Variants in LRTM1 observed in about 807,000 individuals in gnomAD.
LRTM1 encodes the protein leucine rich repeat transmembrane protein 1.
Under a neutral mutation model 32.4 loss-of-function variants are expected in LRTM1, and 38 were observed. The observed-to-expected ratio is 1.17, with a 90% CI of 0.91 to 1.54. The LOEUF (loss-of-function observed/expected upper bound fraction) is 1.54, where lower values mean the gene tolerates loss of function less well. LRTM1 is among the 40% of genes most tolerant of loss of function. LRTM1 has a pLI of 0.00. For synonymous variants in LRTM1, 186 were observed against 169.9 expected (o/e 1.09, Z -0.74); for missense variants, 466 against 415.4 (o/e 1.12, Z -1.06).
At chr3:54,961,023 T>C (rs1169924412) in intron 1 of LRTM1, among the ~76,000 whole-genome samples, 1 of 152,178 alleles carries the variant, frequency 6.6e-6, no homozygotes, top group Non-Finnish European at 1.5e-5. Context: ...AAAAATGACA[T>C]TCAGATTCGT....
chr3:54,939,260 T>C (rs1701400812), intron 1 of LRTM1, among the ~76,000 whole-genome samples: 1 of 152,210 alleles, frequency 6.6e-6, no homozygotes, highest in Admixed American at 6.5e-5. Context: ...GGAACTATTA[T>C]CTTCTACATC....
At chr3:54,956,527 CA>C (rs1701898092) in intron 1 of LRTM1, among the ~76,000 whole-genome samples, 1 of 152,138 alleles carries the variant, frequency 6.6e-6, no homozygotes, top group Admixed American at 6.5e-5. Flanking sequence ...AACTCGTTAC[CA>C]ACCTAGGATT....
At chr3:54,925,488 A>T (rs1559632349) in intron 1 of LRTM1, among the ~76,000 whole-genome samples, 1 of 152,166 alleles carries the variant, frequency 6.6e-6, no homozygotes, top group Non-Finnish European at 1.5e-5. Context: ...AAGATGGAAG[A>T]CTTAGTGATA....
At position 54,918,926 on chromosome 3, in the gene LRTM1, G is replaced by A; in HGVS notation, c.605-34C>T. On this transcript the variant is annotated intron_variant, in intron 2 of 2. Coordinates refer to ENST00000273286, the MANE Select transcript of LRTM1 (RefSeq NM_020678.4). ...AACAAAAGCAAAGAACAATAACAAA[G>A]CCTTGATACAACAGAGTTCCAAAAT... The A allele has an allele frequency of 3.3e-6, 5 of 1,495,844 alleles. No homozygotes were observed. The South Asian group carries it at 6.9e-5, about 21-fold the overall frequency. The allele number at this position is 1,495,844 out of a possible 1,614,324, so 92.7% of individuals were successfully genotyped here.
At chr3:54,946,456 G>A (rs1701616548) in intron 1 of LRTM1, among the ~76,000 whole-genome samples, 1 of 152,182 alleles carries the variant, frequency 6.6e-6, no homozygotes, top group African/African-American at 2.4e-5. Context: ...GTTGGATGAA[G>A]AGAATATAGA....
intron 1 of LRTM1, among the ~76,000 whole-genome samples, chr3:54,962,865 C>T (rs111286523): frequency 1.9e-3 from 288 of 152,052 alleles, no homozygotes; most frequent in African/African-American, 6.6e-3. Flanking sequence ...GATCTGTGCC[C>T]CTCTAGTATG....
chr3:54,954,455 T>G (rs750940183), intron 1 of LRTM1, among the ~76,000 whole-genome samples: 5 of 152,204 alleles, frequency 3.3e-5, no homozygotes, highest in Admixed American at 6.5e-5. Flanking sequence ...TCTGGTAGTT[T>G]CCAGAGTTAG....
At chr3:54,955,931 A>G (rs72877964) in intron 1 of LRTM1, among the ~76,000 whole-genome samples, 2,667 of 152,300 alleles carry the variant, frequency 0.018, 77 homozygotes, top group African/African-American at 0.061. Flanking sequence ...TGCCTGATGA[A>G]GAGAAAAAAT....
chr3:54,941,426 A>C (rs1397224094), intron 1 of LRTM1, among the ~76,000 whole-genome samples: 1 of 152,216 alleles, frequency 6.6e-6, no homozygotes, highest in Non-Finnish European at 1.5e-5. Flanking sequence ...CGCTATTTTC[A>C]AACTACTTAT....
intron 2 of LRTM1, among the ~76,000 whole-genome samples, chr3:54,924,123 G>A (rs1214424321): frequency 1.3e-5 from 2 of 152,196 alleles, no homozygotes; most frequent in Non-Finnish European, 2.9e-5. Flanking sequence ...GAGAGGCCCT[G>A]TTGCACCCAA....
At chr3:54,935,010 C>A (rs1047794617) in intron 1 of LRTM1, among the ~76,000 whole-genome samples, 1 of 152,216 alleles carries the variant, frequency 6.6e-6, no homozygotes, top group Non-Finnish European at 1.5e-5. Context: ...AGTGCTGGGA[C>A]TGCAGGCATG....
chr3:54,938,305 G>A (rs1277526126), intron 1 of LRTM1, among the ~76,000 whole-genome samples: 6 of 152,202 alleles, frequency 3.9e-5, no homozygotes, highest in Non-Finnish European at 5.9e-5. Context: ...ACCAGAAGTG[G>A]CAAATGAGTG....
At chr3:54,960,547 A>G (rs1702006168) in intron 1 of LRTM1, among the ~76,000 whole-genome samples, 1 of 152,200 alleles carries the variant, frequency 6.6e-6, no homozygotes, top group Non-Finnish European at 1.5e-5. Flanking sequence ...GGCTTTACCA[A>G]GATTATAACA....
chr3:54,965,408 C>A (rs1702126196), intron 1 of LRTM1, among the ~76,000 whole-genome samples: 1 of 152,146 alleles, frequency 6.6e-6, no homozygotes, highest in Non-Finnish European at 1.5e-5. Context: ...TTTGGATTGC[C>A]ATCTTCCCTG....
chr3:54,965,174 G>T (rs1400903662), intron 1 of LRTM1, among the ~76,000 whole-genome samples: 1 of 152,162 alleles, frequency 6.6e-6, no homozygotes, highest in Non-Finnish European at 1.5e-5. Flanking sequence ...AATTAGTGTG[G>T]CTGTGCTGCA....
At chr3:54,951,478 G>C (rs551930221) in intron 1 of LRTM1, among the ~76,000 whole-genome samples, 2 of 152,198 alleles carry the variant, frequency 1.3e-5, no homozygotes, top group Admixed American at 6.5e-5. Flanking sequence ...GCAGTGGGGT[G>C]GGGGGCTGCT....
At chr3:54,959,805 G>T (rs1032006601) in intron 1 of LRTM1, among the ~76,000 whole-genome samples, 1 of 152,146 alleles carries the variant, frequency 6.6e-6, no homozygotes, top group Admixed American at 6.5e-5. Context: ...AGAACTTTGT[G>T]AGCATAAAAT....
intron 1 of LRTM1, 99 bp from the exon 2 acceptor site, chr3:54,925,314 C>G (rs1387840373): frequency 2.1e-6 from 2 of 968,980 alleles, no homozygotes; most frequent in African/African-American, 1.6e-5. Context: ...GCTTTCCAGC[C>G]AGGTGAAACC....
Position 54,965,819 on chromosome 3 carries a change from G to A in LRTM1, c.-222+1109C>T, listed in dbSNP as rs145837700. On this transcript the variant is annotated intron_variant, in intron 1 of 2. Transcript: ENST00000493075. Reference sequence around the variant, plus strand: ...CAATTGCAGCCAGGACTATCCAGGAGCCTTTGGGCAACAACCTCATGGTGC... The same window carrying A: ...CAATTGCAGCCAGGACTATCCAGGAACCTTTGGGCAACAACCTCATGGTGC... Among the ~76,000 whole-genome samples the A allele has an allele frequency of 9.8e-5, 15 of 152,288 alleles. No homozygotes were observed. In the East Asian group the frequency reaches 2.7e-3, roughly 28 times the overall value.
Sources: gnomAD v4.1 joint callset for allele counts (sites outside exome capture counted in the v4.1 genomes callset) on GRCh38, gnomAD v4.1.1 for gene constraint, MANE v1.5 for transcripts, NCBI Gene and HGNC (gene_info 2026-07-23, HGNC 2026-07-21) for gene names.